Variants in PRAM1 observed in about 807,000 individuals in gnomAD.
PRAM1 encodes the protein PML-RARA regulated adaptor molecule 1, also known as PML-RARA-regulated adapter molecule 1.
PRAM1 carries 41 observed loss-of-function variants against 55.3 expected under a neutral mutation model. The observed-to-expected ratio is 0.74, with a 90% CI of 0.58 to 0.96. PRAM1 has a LOEUF of 0.96. Among genes scored for constraint, PRAM1 ranks in the 40% least tolerant of loss-of-function variants. The pLI, the probability that PRAM1 is intolerant of heterozygous loss-of-function variation, is 0.00. For synonymous variants in PRAM1, 401 were observed against 387.1 expected (o/e 1.04, Z -0.42); for missense variants, 898 against 892.7 (o/e 1.01, Z -0.08).
At position 8,490,593 on chromosome 19, in the gene PRAM1, C is replaced by T; in HGVS notation, c.1906+1G>A. The T allele has an allele frequency of 1.9e-6, 3 of 1,587,494 alleles. No homozygotes were observed. The highest frequency in any genetic ancestry group is 1.7e-6 in the Non-Finnish European group (2 of 1,166,892). On this transcript the variant is annotated splice_donor_variant, in intron 7 of 9. Transcript: ENST00000423345. LOFTEE classifies it high-confidence loss of function. The surrounding 1 kb of genome is among the most constrained non-coding windows in gnomAD (Gnocchi z 7.3). ...GGGGCTGCGGGGCCGGGCGCACTCA[C>T]ATTTGCCTTTGGGGTCCCGGCACAG... is the stretch of plus-strand genomic sequence containing the variant.
chr19:8,498,868 A>G lies in PRAM1; in HGVS notation c.940T>C (p.Phe314Leu). ...GGGGGCTTCTTGGAGAGCGCTTTGAATTCGGCCGGCCGCGGCCTCTTGGGA... is the reference window on the plus strand; with the variant it reads ...GGGGGCTTCTTGGAGAGCGCTTTGAGTTCGGCCGGCCGCGGCCTCTTGGGA... ...VLPKRPRPAE[F>L]KALSKKPPQP... The change falls in exon 2 of 10, where the codon TTC (phenylalanine) becomes CTC (leucine). Residue 314 changes from phenylalanine (F) to leucine (L), a missense_variant. Around this residue, in one of 4 missense-constraint regions of PRAM1, gnomAD observed 787 missense variants for 735.4 expected, o/e 1.07. Coordinates refer to ENST00000423345, the MANE Select transcript of PRAM1 (RefSeq NM_032152.5). The G allele has an allele frequency of 6.2e-7, 1 of 1,608,022 alleles. No individual in the cohort carries two copies. Among genetic ancestry groups the G allele is most frequent in the Non-Finnish European group, 8.5e-7 (1 of 1,177,804 alleles).
intron 4 of PRAM1, among the ~76,000 whole-genome samples, chr19:8,492,947 A>C (rs1308061080): frequency 6.6e-6 from 1 of 152,176 alleles, no homozygotes; most frequent in Non-Finnish European, 1.5e-5. Context: ...CAGTGAGTCA[A>C]GATGGCGCCG....
At chr19:8,501,833 C>T (rs1236086971) in intron 1 of PRAM1, among the ~76,000 whole-genome samples, 1 of 152,126 alleles carries the variant, frequency 6.6e-6, no homozygotes, top group East Asian at 1.9e-4. Flanking sequence ...TGGGCACAGG[C>T]GCTGTCTCCT....
rs1336011040 is a variant in PRAM1, at chr19:8,493,755, G to A, written c.1577-2598C>T. Among the ~76,000 whole-genome samples, 5 of 152,126 alleles carry A rather than the reference G, an allele frequency of 3.3e-5. No homozygotes were observed. The highest frequency in any genetic ancestry group is 3.8e-4 in the East Asian group (2 of 5,198). On this transcript the variant is annotated intron_variant, in intron 4 of 9. Transcript: ENST00000423345. The surrounding 1 kb of genome is among the most constrained non-coding windows in gnomAD (Gnocchi z 4.1). ...GCTGCACCCACAGTGAGAAGCCCAC[G>A]CCACTCCTGAGAAGCGGGAGATCCA...
At position 8,498,956 on chromosome 19, in the gene PRAM1, C is replaced by T. The variant is rs1052461495; in HGVS notation, c.852G>A (p.Lys284=). 6.2e-7 allele frequency: 1 copy of T among 1,613,884 alleles called. No individual in the cohort carries two copies. Among genetic ancestry groups the T allele is most frequent in the Non-Finnish European group, 8.5e-7 (1 of 1,179,910 alleles). The change falls in exon 2 of 10, where the codon AAG becomes AAA. Residue 284 remains lysine, a synonymous_variant. Transcript: ENST00000423345. ...SQPPLSDFPK[K]PPQPELGDLT... is the part of the protein sequence containing the mutation. The stretch of plus-strand genomic sequence containing the variant: ...GGTCCCCAAGCTCAGGCTGCGGAGG[C>T]TTCTTGGGAAAGTCACTCAGCGGAG...
intron 1 of PRAM1, 85 bp from the exon 2 acceptor site, chr19:8,499,865 C>G: frequency 8.6e-7 from 1 of 1,157,244 alleles, no homozygotes; most frequent in Non-Finnish European, 1.2e-6. Context: ...TCAGGCACAG[C>G]CCACAACCAC....
chr19:8,496,453 G>C (rs571599107), intron 4 of PRAM1, among the ~76,000 whole-genome samples: 2 of 152,158 alleles, frequency 1.3e-5, no homozygotes, highest in African/African-American at 2.4e-5. Context: ...GGCCGGGCGC[G>C]GTGGCTCATG....
rs893904274 is a variant in PRAM1 at position 8,493,409 on chromosome 19, C to T, written c.1577-2252G>A. Among the ~76,000 whole-genome samples, 2 of 152,196 alleles carry T rather than the reference C, an allele frequency of 1.3e-5. No individual in the cohort carries two copies. The highest frequency in any genetic ancestry group is 2.9e-5 in the Non-Finnish European group (2 of 68,036). On this transcript the variant is annotated intron_variant, in intron 4 of 9. Transcript: ENST00000423345. This position sits in a 1 kb window ranked among gnomAD's most constrained non-coding sequence, Gnocchi z 4.1. ...CCTGCCTCTCAGAGGCTTCCCTGGC[C>T]GTGAGCAGTCACTCCACCAGGAGCG...
chr19:8,495,358 C>T (rs1433538995), intron 4 of PRAM1, among the ~76,000 whole-genome samples: 1 of 152,142 alleles, frequency 6.6e-6, no homozygotes, highest in Non-Finnish European at 1.5e-5. Context: ...CCTCGGCCTC[C>T]CAAAGTGCTG....
intron 1 of PRAM1, among the ~76,000 whole-genome samples, chr19:8,500,173 C>G (rs892422871): frequency 6.7e-6 from 1 of 149,326 alleles, no homozygotes; most frequent in Non-Finnish European, 1.5e-5. Context: ...GTGGTGCAAT[C>G]ATAGCTCACT....
In PRAM1 at chr19:8,497,744, C is replaced by G; in HGVS notation, c.1576+20G>C. The G allele has an allele frequency of 6.3e-7, 1 of 1,591,186 alleles. No individual in the cohort carries two copies. The highest frequency in any genetic ancestry group is 8.5e-7 in the Non-Finnish European group (1 of 1,171,616). ...TTGCCCCGAATGTTTTGCAGGGACT[C>G]GGGCAGGCCACCAACAAACCTCTGC... On this transcript the variant is annotated intron_variant, in intron 4 of 9. Transcript: ENST00000423345.
chr19:8,499,248 G>A lies in PRAM1; in HGVS notation c.560C>T (p.Ala187Val), dbSNP rs1599882822. ...GGGTTGCCAGAGCTTCCTGGGGAAT[G>A]CGCCGGATTTGGGTTCGGAGGGGGG... ...ARPPSEPKSG[A>V]FPRKLWQPEA... The change falls in exon 2 of 10, where the codon GCA becomes GTA. Residue 187 changes from alanine to valine, a missense_variant. By Grantham distance (64) the Ala-to-Val change is moderately conservative (BLOSUM62 0). This residue lies in a region of PRAM1 where 787 missense variants were observed against 735.4 expected (regional missense o/e 1.07). Coordinates refer to ENST00000423345, the MANE Select transcript of PRAM1 (RefSeq NM_032152.5). The A allele has an allele frequency of 1.2e-6, 2 of 1,611,758 alleles. No individual in the cohort carries two copies.
At chr19:8,501,090 CTTTCTTTCTT>C (rs1971800003) in intron 1 of PRAM1, among the ~76,000 whole-genome samples, 3 of 142,384 alleles carry the variant, frequency 2.1e-5, no homozygotes, top group Admixed American at 2.1e-4. Flanking sequence ...CCCTATTTTT[CTTTCTTTCTT>C]TTTTTTTTTT....
chr19:8,498,698 C>T lies in PRAM1; in HGVS notation c.1110G>A (p.Pro370=), dbSNP rs1376378187. The T allele has an allele frequency of 1.2e-6, 2 of 1,601,920 alleles. No homozygotes were observed. Among genetic ancestry groups the T allele is most frequent in the African/African-American group, 1.3e-5 (1 of 74,792 alleles). Residue 370 remains proline, a synonymous_variant, in exon 2 of 10, where the codon CCG becomes CCA. Transcript: ENST00000423345. The part of the protein sequence containing the change: ...PEPSAVLKRH[P]QPEFFGDLPR... ...GGAGATCACCGAAGAACTCAGGCTG[C>T]GGGTGTCTCTTGAGGACAGCGCTGG...
rs1227299257 is a variant in PRAM1 at position 8,502,635 on chromosome 19, G to C, written c.-44C>G. On this transcript the variant is annotated 5_prime_UTR_variant, in exon 1 of 10. Transcript: ENST00000423345. ...GCTGGGGCCGCTGCCTTCAGGAAGT[G>C]ACTGTGGCTTCTGCTCCACGGTCAG... is the stretch of plus-strand genomic sequence containing the variant. 5.9e-6 allele frequency: 9 copies of C among 1,536,218 alleles called. No individual in the cohort carries two copies. The highest frequency in any genetic ancestry group is 7.9e-6 in the Non-Finnish European group (9 of 1,140,216).
intron 1 of PRAM1, among the ~76,000 whole-genome samples, chr19:8,501,403 G>A (rs962506819): frequency 4.6e-5 from 7 of 151,700 alleles, no homozygotes; most frequent in African/African-American, 1.7e-4. Context: ...ATTTTAAATG[G>A]ATCACCCCAT....
Position 8,490,431 on chromosome 19 carries a change from C to T in PRAM1, c.1940+45G>A. 2 of 1,613,642 alleles carry T rather than the reference C, an allele frequency of 1.2e-6. No individual in the cohort carries two copies. Among genetic ancestry groups the T allele is most frequent in the Non-Finnish European group, 1.7e-6 (2 of 1,179,780 alleles). ...CGTGGCCCATTCCCCCCACCCTGCA[C>T]CACACACCCCGCACTCCCCCACCAC... On this transcript the variant is annotated intron_variant, in intron 8 of 9. Coordinates refer to ENST00000423345, the MANE Select transcript of PRAM1 (RefSeq NM_032152.5). The surrounding 1 kb of genome is among the most constrained non-coding windows in gnomAD (Gnocchi z 7.3).
chr19:8,497,046 AATGGATGG>A (rs894218663), intron 4 of PRAM1, among the ~76,000 whole-genome samples: 5 of 151,958 alleles, frequency 3.3e-5, no homozygotes, highest in Non-Finnish European at 7.4e-5. Context: ...TAAATAAATG[AATGGATGG>A]ATGGATGGAT....
chr19:8,490,680 T>A lies in PRAM1; in HGVS notation c.1820A>T (p.His607Leu). The change falls in exon 7 of 10, where the codon CAC (histidine) becomes CTC (leucine). Residue 607 changes from histidine (H) to leucine (L), a missense_variant. Physicochemically the swap from His to Leu is moderately conservative, Grantham distance 99. Coordinates refer to ENST00000423345, the MANE Select transcript of PRAM1 (RefSeq NM_032152.5). This position sits in a 1 kb window ranked among gnomAD's most constrained non-coding sequence, Gnocchi z 7.3. Reference sequence around the variant, plus strand: ...GATCTCCCCGCGCCGGATCCCGAGGTGCTTGCCACCCCCGCGACGTGTCTT... The same window carrying A: ...GATCTCCCCGCGCCGGATCCCGAGGAGCTTGCCACCCCCGCGACGTGTCTT... ...NAKTRRGGGK[H>L]LGIRRGEILE... 6.2e-7 allele frequency: 1 copy of A among 1,602,572 alleles called. No homozygotes were observed. Among genetic ancestry groups the A allele is most frequent in the Non-Finnish European group, 8.5e-7 (1 of 1,174,686 alleles).
Sources: allele counts gnomAD v4.1 joint callset (sites outside exome capture counted in the v4.1 genomes callset), GRCh38; gene constraint gnomAD v4.1.1; regional missense constraint gnomAD v4.1.1; non-coding constraint Gnocchi (gnomAD v3.1); transcripts MANE v1.5; gene names NCBI Gene and HGNC (gene_info 2026-07-23, HGNC 2026-07-21).